CCDC126: variants seen among roughly 807,000 people sequenced by gnomAD.
CCDC126 encodes the protein coiled-coil domain containing 126.
A neutral mutation model predicts 11.7 loss-of-function variants in CCDC126; 5 were observed. That is an observed-to-expected ratio of 0.43 (90% CI 0.22 to 0.90). CCDC126 has a LOEUF of 0.90. Among genes scored for constraint, CCDC126 ranks in the 40% least tolerant of loss-of-function variants. The pLI, the probability that CCDC126 is intolerant of heterozygous loss-of-function variation, is 0.27. For synonymous variants in CCDC126, 60 were observed against 61.9 expected (o/e 0.97, Z 0.14); for missense variants, 150 against 163.1 (o/e 0.92, Z 0.44).
Position 23,611,396 on chromosome 7 carries a change from G to C in CCDC126, c.81G>C (p.Leu27Phe). The C allele has an allele frequency of 1.9e-6, 3 of 1,613,880 alleles. No homozygotes were observed. Among genetic ancestry groups the C allele is most frequent in the Non-Finnish European group, 2.5e-6 (3 of 1,179,852 alleles). ...TTGTATTTGGACTCATTTGGGGATT[G>C]ATGTTACTGCACTATACTTTTCAAC... ...LLLVFGLIWG[L>F]MLLHYTFQQP... The change falls in exon 3 of 4, where the codon TTG (leucine) becomes TTC (phenylalanine). Residue 27 changes from leucine (L) to phenylalanine (F), a missense_variant. Leu to Phe is a conservative substitution (Grantham distance 22). Transcript: ENST00000307471.
At chr7:23,636,939 G>A (rs1445835564) in intron 3 of CCDC126, among the ~76,000 whole-genome samples, 1 of 69,758 alleles carries the variant, frequency 1.4e-5, no homozygotes. Context: ...GCCCAGTCCG[G>A]GAGGTGAGGG....
At chr7:23,629,015 TA>T (rs2128019986) in intron 3 of CCDC126, among the ~76,000 whole-genome samples, 1 of 152,284 alleles carries the variant, frequency 6.6e-6, no homozygotes, top group African/African-American at 2.4e-5. Context: ...GAAAACCACC[TA>T]AAACAGGAGG....
intron 3 of CCDC126, among the ~76,000 whole-genome samples, chr7:23,636,734 T>G (rs1018862976): frequency 1.4e-5 from 2 of 140,972 alleles, no homozygotes; most frequent in African/African-American, 5.7e-5. Context: ...GTGAGGAGCG[T>G]CTCCGCCCGG....
intron 3 of CCDC126, among the ~76,000 whole-genome samples, chr7:23,624,845 T>G (rs1043657606): frequency 7.9e-5 from 12 of 152,206 alleles, no homozygotes; most frequent in African/African-American, 2.9e-4. Flanking sequence ...TATTATTTCA[T>G]TTTATTTTAA....
chr7:23,599,956 T>G (rs547239260), intron 2 of CCDC126, among the ~76,000 whole-genome samples: 2 of 152,244 alleles, frequency 1.3e-5, no homozygotes, highest in South Asian at 4.1e-4. Context: ...GGCTAATTTT[T>G]GTATTTTTAG....
At chr7:23,622,204 C>T (rs919824979) in intron 3 of CCDC126, among the ~76,000 whole-genome samples, 1 of 152,218 alleles carries the variant, frequency 6.6e-6, no homozygotes, top group African/African-American at 2.4e-5. Context: ...GTGACTCCAT[C>T]TGGTCCTGGA....
At chr7:23,638,305 C>T (rs1332665066) in intron 3 of CCDC126, among the ~76,000 whole-genome samples, 2 of 146,874 alleles carry the variant, frequency 1.4e-5, no homozygotes, top group African/African-American at 2.5e-5. Context: ...ATTGAGAAAT[C>T]GGATGGTTGC....
Position 23,644,691 on chromosome 7 carries a change from AT to A in CCDC126, c.*1577del, listed in dbSNP as rs1220133871. On this transcript the variant is annotated 3_prime_UTR_variant, in exon 4 of 4. Coordinates refer to ENST00000307471, the MANE Select transcript of CCDC126 (RefSeq NM_138771.4). ...TTTTTGTTTTCAGGGATGAAATAAA[AT>A]ATATTATTTCTACCTACAAAGTATT... is the stretch of plus-strand genomic sequence containing the variant. The A allele has an allele frequency of 6.6e-6, 1 of 152,462 alleles. No homozygotes were observed. Among genetic ancestry groups the A allele is most frequent in the African/African-American group, 2.4e-5 (1 of 41,450 alleles). The allele number at this position is 152,462 out of a possible 1,614,324, so 9.4% of individuals were successfully genotyped here. A position where few individuals can be genotyped will look rare whatever the true frequency, so the allele number is the denominator to read the frequency against.
At chr7:23,632,818 T>C (rs975261367) in intron 3 of CCDC126, among the ~76,000 whole-genome samples, 1 of 152,342 alleles carries the variant, frequency 6.6e-6, no homozygotes, top group Admixed American at 6.5e-5. Context: ...CTATTAGATA[T>C]GATTTTGATG....
At chr7:23,641,389 A>T (rs552233217) in intron 3 of CCDC126, among the ~76,000 whole-genome samples, 3 of 152,210 alleles carry the variant, frequency 2.0e-5, no homozygotes, top group Admixed American at 1.3e-4. Context: ...AGATCTTTAT[A>T]TATTCTAGGT....
At chr7:23,619,275 G>T in intron 3 of CCDC126, 1 of 216,234 alleles carries the variant, frequency 4.6e-6, no homozygotes, top group Non-Finnish European at 9.2e-6. Flanking sequence ...TCACCATGGC[G>T]CAGGTTTACC....
intron 3 of CCDC126, among the ~76,000 whole-genome samples, chr7:23,629,513 A>G (rs1783071176): frequency 6.6e-6 from 1 of 152,244 alleles, no homozygotes; most frequent in Non-Finnish European, 1.5e-5. Context: ...GAATTATCTG[A>G]AAAAGATTTT....
Position 23,612,588 on chromosome 7 carries a change from G to T in CCDC126, c.238+1035G>T, listed in dbSNP as rs138587282. Among the ~76,000 whole-genome samples the T allele has an allele frequency of 1.2e-3, 177 of 151,794 alleles. 1 individual carries two copies. Among genetic ancestry groups the T allele is most frequent in the African/African-American group, 3.6e-3 (151 of 41,376 alleles). On this transcript the variant is annotated intron_variant, in intron 3 of 3. Transcript: ENST00000307471. ...GTCGGGAGGCTGAGGTGGGAAGATG[G>T]CTTGAGCCCAAGAGGTCAAGGATAC...
intron 2 of CCDC126, among the ~76,000 whole-genome samples, chr7:23,604,484 G>C (rs1005135246): frequency 3.9e-5 from 6 of 152,086 alleles, no homozygotes; most frequent in Non-Finnish European, 4.4e-5. Context: ...GACATTTCCT[G>C]TATTACCTAA....
chr7:23,607,787 T>C (rs1253408301), intron 2 of CCDC126, among the ~76,000 whole-genome samples: 1 of 152,200 alleles, frequency 6.6e-6, no homozygotes, highest in African/African-American at 2.4e-5. Flanking sequence ...AGGTCACCTA[T>C]TTTCAATCCC....
At chr7:23,639,406 G>A (rs1427380752) in intron 3 of CCDC126, among the ~76,000 whole-genome samples, 1 of 152,056 alleles carries the variant, frequency 6.6e-6, no homozygotes, top group African/African-American at 2.4e-5. Context: ...TGTTGGCCAT[G>A]GTGGCCAGGC....
At chr7:23,636,745 C>T (rs1783227089) in intron 3 of CCDC126, among the ~76,000 whole-genome samples, 1 of 145,828 alleles carries the variant, frequency 6.9e-6, no homozygotes, top group African/African-American at 2.6e-5. Flanking sequence ...CTCCGCCCGG[C>T]AGCCACCCCG....
intron 3 of CCDC126, among the ~76,000 whole-genome samples, chr7:23,642,524 A>T (rs1783380403): frequency 6.6e-6 from 1 of 152,090 alleles, no homozygotes; most frequent in South Asian, 2.1e-4. Flanking sequence ...GCACTTTGGG[A>T]GGCCGAGGAG....
chr7:23,600,500 G>A (rs1024046829), intron 2 of CCDC126, among the ~76,000 whole-genome samples: 3 of 151,304 alleles, frequency 2.0e-5, no homozygotes, highest in Non-Finnish European at 2.9e-5. Flanking sequence ...TTTTTGGGTC[G>A]TTTTTGGAGA....
Sources: gnomAD v4.1 joint callset for allele counts (sites outside exome capture counted in the v4.1 genomes callset) on GRCh38, gnomAD v4.1.1 for gene constraint, MANE v1.5 for transcripts, NCBI Gene and HGNC (gene_info 2026-07-23, HGNC 2026-07-21) for gene names.